Variants in HUNK observed in about 807,000 individuals in gnomAD.
HUNK encodes hormonally up-regulated neu tumor-associated kinase.
HUNK carries 21 observed loss-of-function variants against 61.0 expected under a neutral mutation model. The ratio of observed to expected loss-of-function variants is 0.34; its 90% confidence interval spans 0.24 to 0.50. HUNK has a LOEUF of 0.50. Ranked by LOEUF, HUNK falls within the 20% of genes least tolerant of loss-of-function variation. The pLI, the probability that HUNK is intolerant of heterozygous loss-of-function variation, is 0.98. For missense variants in HUNK, 772 were observed against 945.7 expected (o/e 0.82, Z 2.41); for synonymous variants, 371 against 386.1 (o/e 0.96, Z 0.46).
rs2053237318 is a variant in HUNK, at chr21:32,000,258, G to C, written c.*1074G>C. ...CAGAACTGGTGCGGCTCAGAGCTCG[G>C]CGAGTTTGCTGGGAGCTGGGAGCAG... is the stretch of plus-strand genomic sequence containing the variant. On this transcript the variant is annotated 3_prime_UTR_variant, in exon 11 of 11. Coordinates refer to ENST00000270112, the MANE Select transcript of HUNK (RefSeq NM_014586.2). 9 of 399,168 alleles carry C rather than the reference G, an allele frequency of 2.3e-5. No homozygotes were observed. In the East Asian group the frequency reaches 3.2e-4, roughly 14 times the overall value. 24.7% of individuals were successfully genotyped at this position (399,168 alleles called of 1,614,324 possible). A position where few individuals can be genotyped will look rare whatever the true frequency, so the allele number is the denominator to read the frequency against.
At chr21:31,903,529 T>G (rs1213802001) in intron 1 of HUNK, among the ~76,000 whole-genome samples, 3 of 152,180 alleles carry the variant, frequency 2.0e-5, no homozygotes, top group African/African-American at 7.2e-5. Flanking sequence ...AAAAAAAAAT[T>G]ACCTTTACAG....
intron 9 of HUNK, among the ~76,000 whole-genome samples, chr21:31,994,907 A>G (rs552691281): frequency 3.7e-4 from 57 of 152,334 alleles, no homozygotes; most frequent in African/African-American, 1.3e-3. Flanking sequence ...TAGTCCCAGC[A>G]TTTTGGGAAG....
intron 1 of HUNK, among the ~76,000 whole-genome samples, chr21:31,899,970 T>C (rs2052452745): frequency 6.6e-6 from 1 of 152,130 alleles, no homozygotes; most frequent in Non-Finnish European, 1.5e-5. Flanking sequence ...AGACGGAGTT[T>C]CACCATGTTG....
At chr21:31,898,243 C>T (rs2833550) in intron 1 of HUNK, among the ~76,000 whole-genome samples, 13,212 of 152,130 alleles carry the variant, frequency 0.087, 1,262 homozygotes, top group East Asian at 0.29. Context: ...ACCATTAGGA[C>T]AAGCTTTATA....
intron 2 of HUNK, among the ~76,000 whole-genome samples, chr21:31,933,979 G>GCCCTTCACCTTCCTT (rs2052715746): frequency 6.6e-6 from 1 of 152,052 alleles, no homozygotes; most frequent in Non-Finnish European, 1.5e-5. Flanking sequence ...CGACCAGCCT[G>GCCCTTCACCTTCCTT]CCCTTCACCT....
intron 9 of HUNK, among the ~76,000 whole-genome samples, chr21:31,991,124 C>T (rs1317495099): frequency 6.6e-6 from 1 of 152,198 alleles, no homozygotes; most frequent in South Asian, 2.1e-4. Flanking sequence ...TACAACTCTA[C>T]ACCTGCCTGT....
chr21:31,959,577 C>T (rs1272395578), intron 5 of HUNK, among the ~76,000 whole-genome samples: 1 of 152,176 alleles, frequency 6.6e-6, no homozygotes, highest in East Asian at 1.9e-4. Flanking sequence ...GTTTCAGATC[C>T]AGTAAATCAG....
intron 2 of HUNK, among the ~76,000 whole-genome samples, chr21:31,929,188 C>T (rs922657619): frequency 4.6e-5 from 7 of 151,582 alleles, no homozygotes; most frequent in African/African-American, 1.7e-4. Flanking sequence ...ATTTATTTAT[C>T]TTTCCAGAAC....
chr21:31,959,704 C>G (rs1020528741), intron 5 of HUNK, among the ~76,000 whole-genome samples: 1 of 152,078 alleles, frequency 6.6e-6, no homozygotes, highest in Non-Finnish European at 1.5e-5. Context: ...GGCTTTTGAC[C>G]AAAGAAGAAA....
chr21:31,934,259 C>T (rs1028062161), intron 2 of HUNK, among the ~76,000 whole-genome samples: 5 of 151,658 alleles, frequency 3.3e-5, no homozygotes, highest in African/African-American at 4.8e-5. Flanking sequence ...ATCGAGACCA[C>T]GGTGAAATCC....
chr21:31,990,423 T>C (rs966063739), intron 9 of HUNK, among the ~76,000 whole-genome samples: 2 of 146,474 alleles, frequency 1.4e-5, no homozygotes, highest in Non-Finnish European at 3.0e-5. Context: ...ACCTCATTCT[T>C]TTTTTTTTTT....
chr21:31,991,764 C>T (rs1279604463), intron 9 of HUNK, among the ~76,000 whole-genome samples: 28 of 152,178 alleles, frequency 1.8e-4, no homozygotes. Context: ...TAGAGTTACT[C>T]AAAGAAAACT....
chr21:31,883,932 T>A (rs2052328075), intron 1 of HUNK, among the ~76,000 whole-genome samples: 1 of 152,174 alleles, frequency 6.6e-6, no homozygotes, highest in Admixed American at 6.5e-5. Context: ...GCAGGTTGGT[T>A]CTGCAACCAT....
At chr21:31,979,392 C>A (rs1266626568) in intron 7 of HUNK, among the ~76,000 whole-genome samples, 1 of 151,442 alleles carries the variant, frequency 6.6e-6, no homozygotes, top group Non-Finnish European at 1.5e-5. Context: ...GCTGGGATTA[C>A]AGGTGTGAGC....
rs186508696 is a variant in HUNK, at chr21:31,885,745, A to G, written c.261+11810A>G. On this transcript the variant is annotated intron_variant, in intron 1 of 10. Transcript: ENST00000270112. ...CAAATGTTCCCTTTTGTATTTTTTT[A>G]TTTTTTTGATACAGAGACTTGCTCT... Among the ~76,000 whole-genome samples the G allele has an allele frequency of 1.5e-4, 22 of 151,304 alleles. No homozygotes were observed. In the East Asian group the frequency reaches 4.1e-3, roughly 28 times the overall value.
chr21:31,904,473 T>C (rs1252028461), intron 1 of HUNK, among the ~76,000 whole-genome samples: 1 of 152,178 alleles, frequency 6.6e-6, no homozygotes, highest in Non-Finnish European at 1.5e-5. Context: ...GATAGGCTTA[T>C]TTGCAGAAAA....
At chr21:31,920,378 T>C (rs1024033762) in intron 1 of HUNK, among the ~76,000 whole-genome samples, 3 of 152,224 alleles carry the variant, frequency 2.0e-5, no homozygotes, top group African/African-American at 7.2e-5. Flanking sequence ...CTCAATAAGG[T>C]ATCTTAACTA....
chr21:31,900,814 G>A (rs2052461520), intron 1 of HUNK, among the ~76,000 whole-genome samples: 1 of 152,246 alleles, frequency 6.6e-6, no homozygotes, highest in Non-Finnish European at 1.5e-5. Context: ...TCAGATGCCT[G>A]TAGCCCTTGA....
intron 1 of HUNK, among the ~76,000 whole-genome samples, chr21:31,909,579 T>G (rs1601372100): frequency 6.6e-6 from 1 of 152,144 alleles, no homozygotes; most frequent in Non-Finnish European, 1.5e-5. Flanking sequence ...AAGGCGAATT[T>G]TAGCTCAGCA....
Sources: allele counts gnomAD v4.1 joint callset (sites outside exome capture counted in the v4.1 genomes callset), GRCh38; gene constraint gnomAD v4.1.1; transcripts MANE v1.5; gene names NCBI Gene and HGNC (gene_info 2026-07-23, HGNC 2026-07-21).